The following PITPNC1 variants were observed in gnomAD, a reference collection of about 807,000 sequenced individuals.
PITPNC1 encodes the protein phosphatidylinositol transfer protein cytoplasmic 1, also known as cytoplasmic phosphatidylinositol transfer protein 1.
Under a neutral mutation model 44.7 loss-of-function variants are expected in PITPNC1, and 18 were observed. That is an observed-to-expected ratio of 0.40 (90% CI 0.28 to 0.60). The LOEUF is 0.60. PITPNC1 is among the 20% of genes least tolerant of loss of function. PITPNC1 has a pLI of 0.39. For missense variants in PITPNC1, 290 were observed against 418.4 expected (o/e 0.69, Z 2.68); for synonymous variants, 141 against 149.6 (o/e 0.94, Z 0.42).
Position 67,500,258 on chromosome 17 carries a change from T to C in PITPNC1, c.49-32544T>C, listed in dbSNP as rs147013123. Among the ~76,000 whole-genome samples the C allele has an allele frequency of 7.2e-5, 11 of 152,378 alleles. No homozygotes were observed. In the East Asian group the frequency reaches 2.1e-3, roughly 29 times the overall value. ...CCCTTTCATTTTTCTCCCTTTTACGTTGTCCAAATTCTGGATAAATGAATA... is the reference window on the plus strand; with the variant it reads ...CCCTTTCATTTTTCTCCCTTTTACGCTGTCCAAATTCTGGATAAATGAATA... On this transcript the variant is annotated intron_variant, in intron 1 of 8. Coordinates refer to ENST00000581322, the MANE Select transcript of PITPNC1 (RefSeq NM_012417.4).
At chr17:67,675,650 C>A in intron 8 of PITPNC1, 108 bp downstream of exon 8, 1 of 750,404 alleles carries the variant, frequency 1.3e-6, no homozygotes, top group Admixed American at 2.0e-5. Context: ...AAAGGCAAGG[C>A]CGCTGCTTCC....
In PITPNC1 at chr17:67,425,252, CACACACACACAGAG is replaced by C. The variant is rs1333806790; in HGVS notation, c.48+47051_48+47064del. Reference sequence around the variant, plus strand: ...ACACACACACACACACACACACACACACACACACACAGAGGGAGAGAGAGAGAGAAATGACCTCT... The same window carrying C: ...ACACACACACACACACACACACACACGGAGAGAGAGAGAGAAATGACCTCT... On this transcript the variant is annotated intron_variant, in intron 1 of 8. Transcript: ENST00000581322. Among the ~76,000 whole-genome samples, 854 of 119,120 alleles carry C rather than the reference CACACACACACAGAG, an allele frequency of 7.2e-3. 14 individuals carry two copies. The highest frequency in any genetic ancestry group is 9.3e-3 in the Middle Eastern group (2 of 214). The allele number at this position is 119,120 out of a possible 152,430, so 78.1% of individuals were successfully genotyped here.
intron 4 of PITPNC1, among the ~76,000 whole-genome samples, chr17:67,575,773 C>CTTTCTTTCT (rs1189741363): frequency 9.0e-6 from 1 of 111,410 alleles, no homozygotes; most frequent in Non-Finnish European, 1.9e-5. Flanking sequence ...GCCTTTCTTT[C>CTTTCTTTCT]TTTCTTTCTT....
intron 8 of PITPNC1, among the ~76,000 whole-genome samples, chr17:67,681,372 G>A (rs567009453): frequency 6.6e-6 from 1 of 152,006 alleles, no homozygotes; most frequent in Non-Finnish European, 1.5e-5. Flanking sequence ...CAGCACTTTG[G>A]GAGGCCAAGG....
At chr17:67,547,835 C>G (rs2040704786) in intron 2 of PITPNC1, among the ~76,000 whole-genome samples, 1 of 152,164 alleles carries the variant, frequency 6.6e-6, no homozygotes, top group Admixed American at 6.5e-5. Flanking sequence ...TGCCCCTGAA[C>G]CTTCTTATTA....
intron 1 of PITPNC1, among the ~76,000 whole-genome samples, chr17:67,436,616 T>G (rs2038940281): frequency 6.6e-6 from 1 of 152,114 alleles, no homozygotes; most frequent in Non-Finnish European, 1.5e-5. Context: ...TGGGAGCCAC[T>G]GAGAGTTCTA....
intron 1 of PITPNC1, among the ~76,000 whole-genome samples, chr17:67,504,971 C>T (rs1021256764): frequency 1.3e-5 from 2 of 152,168 alleles, no homozygotes; most frequent in South Asian, 4.1e-4. Flanking sequence ...ATTTTCTACT[C>T]TCCCTTGTGA....
chr17:67,491,985 G>A (rs1054386077), intron 1 of PITPNC1, among the ~76,000 whole-genome samples: 3 of 151,166 alleles, frequency 2.0e-5, no homozygotes, highest in Non-Finnish European at 4.4e-5. Context: ...AATCACGAGC[G>A]GTCTTCCTTT....
intron 1 of PITPNC1, among the ~76,000 whole-genome samples, chr17:67,479,578 T>G (rs1047950164): frequency 1.3e-5 from 2 of 152,210 alleles, no homozygotes; most frequent in Non-Finnish European, 2.9e-5. Context: ...AAGACTTTCT[T>G]TCTCATAGAA....
At chr17:67,583,755 C>A (rs928127932) in intron 5 of PITPNC1, among the ~76,000 whole-genome samples, 1 of 72,560 alleles carries the variant, frequency 1.4e-5, no homozygotes, top group Admixed American at 1.4e-4. Flanking sequence ...AGTGCAGTGG[C>A]GCGATCTCAG....
chr17:67,593,621 A>G (rs1227114653), intron 5 of PITPNC1, among the ~76,000 whole-genome samples: 1 of 151,948 alleles, frequency 6.6e-6, no homozygotes, highest in African/African-American at 2.4e-5. Context: ...CTGGTCTCAA[A>G]CTCCTGGGCT....
chr17:67,481,585 C>T (rs1000543193), intron 1 of PITPNC1, among the ~76,000 whole-genome samples: 2 of 152,100 alleles, frequency 1.3e-5, no homozygotes, highest in African/African-American at 4.8e-5. Context: ...GCGATTCCCC[C>T]ACCTTGGCCT....
chr17:67,394,819 C>T (rs1036040503), intron 1 of PITPNC1, among the ~76,000 whole-genome samples: 1 of 151,856 alleles, frequency 6.6e-6, no homozygotes, highest in Non-Finnish European at 1.5e-5. Flanking sequence ...GGTGTGAACC[C>T]GGGAGGCGGA....
chr17:67,629,117 C>G (rs1354810751), intron 5 of PITPNC1, among the ~76,000 whole-genome samples: 3 of 152,106 alleles, frequency 2.0e-5, no homozygotes, highest in African/African-American at 4.8e-5. Context: ...TCATGCCCCC[C>G]CTTCATCCGT....
At position 67,508,117 on chromosome 17, in the gene PITPNC1, A is replaced by G. The variant is rs373501013; in HGVS notation, c.49-24685A>G. Among the ~76,000 whole-genome samples, 25 of 152,336 alleles carry G rather than the reference A, an allele frequency of 1.6e-4. No homozygotes were observed. Among genetic ancestry groups the G allele is most frequent in the African/African-American group, 6.0e-4 (25 of 41,586 alleles). On this transcript the variant is annotated intron_variant, in intron 1 of 8. Transcript: ENST00000581322. The surrounding 1 kb of genome is among the most constrained non-coding windows in gnomAD (Gnocchi z 4.2). ...CCCATCCTACCAGTTACGCAGCCAG[A>G]AAATTGAATGTCCTCATGAAATTTG...
At chr17:67,560,722 TGCTCTA>T (rs1462488913) in intron 4 of PITPNC1, among the ~76,000 whole-genome samples, 1 of 152,242 alleles carries the variant, frequency 6.6e-6, no homozygotes, top group Non-Finnish European at 1.5e-5. Context: ...CGTTTCCACT[TGCTCTA>T]GCTGTTCCCA....
At chr17:67,498,291 G>C (rs2039982611) in intron 1 of PITPNC1, among the ~76,000 whole-genome samples, 1 of 151,918 alleles carries the variant, frequency 6.6e-6, no homozygotes, top group Non-Finnish European at 1.5e-5. Context: ...TTATATATTA[G>C]CAATATTAAT....
chr17:67,529,233 C>G lies in PITPNC1; in HGVS notation c.49-3569C>G, dbSNP rs556812121. ...CCATCTCCACTGAGCAGGAAGCACT[C>G]GAGCTGAGCCCAGCCAGGGCTGACT... On this transcript the variant is annotated intron_variant, in intron 1 of 8. Coordinates refer to ENST00000581322, the MANE Select transcript of PITPNC1 (RefSeq NM_012417.4). 4.6e-5 allele frequency among the ~76,000 whole-genome samples: 7 copies of G among 152,162 alleles called. No individual in the cohort carries two copies. The East Asian group carries it at 9.6e-4, about 21-fold the overall frequency.
chr17:67,645,437 G>A (rs2042138631), intron 6 of PITPNC1, among the ~76,000 whole-genome samples: 1 of 151,994 alleles, frequency 6.6e-6, no homozygotes, highest in Non-Finnish European at 1.5e-5. Context: ...GAGCTCAGAA[G>A]GCCCAGTCTG....
Sources: gnomAD v4.1 joint callset for allele counts (sites outside exome capture counted in the v4.1 genomes callset) on GRCh38, gnomAD v4.1.1 for gene constraint, Gnocchi (gnomAD v3.1) non-coding constraint, MANE v1.5 for transcripts, NCBI Gene and HGNC (gene_info 2026-07-23, HGNC 2026-07-21) for gene names.